MYLK: variants seen among roughly 807,000 people sequenced by gnomAD.
MYLK encodes myosin light chain kinase.
In MYLK, 106 loss-of-function variants were observed where a neutral mutation model predicts 203.4. The observed-to-expected ratio is 0.52, with a 90% CI of 0.45 to 0.61. MYLK has a LOEUF of 0.61. MYLK is among the 20% of genes least tolerant of loss of function. MYLK has a pLI of 0.00. For missense variants in MYLK, 2,072 were observed against 2,442.3 expected (o/e 0.85, Z 3.20); for synonymous variants, 867 against 959.5 (o/e 0.90, Z 1.78).
chr3:123,629,729 C>A lies in MYLK; in HGVS notation c.4962-103G>T, dbSNP rs1173065286. On this transcript the variant is annotated intron_variant, in intron 29 of 33. Transcript: ENST00000360304. This position sits in a 1 kb window ranked among gnomAD's most constrained non-coding sequence, Gnocchi z 4.4. ...GGCGAGGGTCGGCCAGCCTCCCCACCCCCAAACTCATGCTCTGTGGGCCTT... is the reference window on the plus strand; with the variant it reads ...GGCGAGGGTCGGCCAGCCTCCCCACACCCAAACTCATGCTCTGTGGGCCTT... The A allele has an allele frequency of 6.4e-6, 8 of 1,250,978 alleles. No homozygotes were observed. The highest frequency in any genetic ancestry group is 1.8e-5 in the Admixed American group (1 of 56,282). 77.5% of individuals were successfully genotyped at this position (1,250,978 alleles called of 1,614,324 possible).
chr3:123,825,579 T>C (rs1013334682), intron 3 of MYLK, among the ~76,000 whole-genome samples: 2 of 152,198 alleles, frequency 1.3e-5, no homozygotes, highest in African/African-American at 4.8e-5. Flanking sequence ...AAGTATGCAC[T>C]TCCCATCTCT....
intron 23 of MYLK, among the ~76,000 whole-genome samples, chr3:123,657,688 G>T (rs2059434024): frequency 6.6e-6 from 1 of 152,214 alleles, no homozygotes; most frequent in Non-Finnish European, 1.5e-5. Context: ...CTACATGCAA[G>T]TCACGATTTC....
chr3:123,640,633 C>T lies in MYLK; in HGVS notation c.4620-129G>A. 1 of 930,630 alleles carries T rather than the reference C, an allele frequency of 1.1e-6. No homozygotes were observed. The highest frequency in any genetic ancestry group is 1.7e-6 in the Non-Finnish European group (1 of 588,082). 57.6% of individuals were successfully genotyped at this position (930,630 alleles called of 1,614,324 possible). ...AAGCCCAGGGAATGGGGGTGATGGG[C>T]AATTCCTGAATCCCCACCCTCCGAC... On this transcript the variant is annotated intron_variant, in intron 27 of 33. Coordinates refer to ENST00000360304, the MANE Select transcript of MYLK (RefSeq NM_053025.4). This position sits in a 1 kb window ranked among gnomAD's most constrained non-coding sequence, Gnocchi z 4.3.
At chr3:123,806,632 C>T (rs2109199641) in intron 3 of MYLK, among the ~76,000 whole-genome samples, 1 of 152,172 alleles carries the variant, frequency 6.6e-6, no homozygotes, top group South Asian at 2.1e-4. Flanking sequence ...TATCCCATTT[C>T]AACTTCACAA....
chr3:123,664,217 A>G lies in MYLK; in HGVS notation c.3873T>C (p.Asn1291=), dbSNP rs372912164. ...CGGCCAGGATGGTGAGCTTGCTGCC[A>G]TTCTCGCTGTTCTCCACCTTCATGT... ...SEHMKVENSE[N]GSKLTILAAR... is the part of the protein sequence containing the mutation. Residue 1291 remains asparagine (N), a synonymous_variant, in exon 23 of 34, where the codon AAT becomes AAC. Transcript: ENST00000360304. 3.1e-6 allele frequency: 5 copies of G among 1,613,942 alleles called. No homozygotes were observed. In the African/African-American group the frequency reaches 6.7e-5, roughly 22 times the overall value.
intron 3 of MYLK, among the ~76,000 whole-genome samples, chr3:123,821,519 G>C (rs1285867411): frequency 6.6e-6 from 1 of 152,160 alleles, no homozygotes; most frequent in African/African-American, 2.4e-5. Flanking sequence ...AACTCCAGGG[G>C]ATGAACCCTT....
intron 3 of MYLK, among the ~76,000 whole-genome samples, chr3:123,816,824 A>T (rs1398479455): frequency 6.6e-6 from 1 of 152,210 alleles, no homozygotes; most frequent in Admixed American, 6.5e-5. Flanking sequence ...TTCCTGAAGT[A>T]TGGACATTCC....
rs2108786856 is a variant in MYLK, at chr3:123,733,024, A to G, written c.1388T>C (p.Val463Ala). The change falls in exon 11 of 34, where the codon GTT becomes GCT. Residue 463 changes from valine (V) to alanine (A), a missense_variant. This residue lies in a region of MYLK where 683 missense variants were observed against 643.8 expected (regional missense o/e 1.06). Transcript: ENST00000360304. ...PVRRQEGSIE[V>A]YEDAGSHYLC... ...GTAATGGGAGCCAGCATCTTCATAAACCTCAATGCTGCCTTCCTGTCTCCT... is the reference window on the plus strand; with the variant it reads ...GTAATGGGAGCCAGCATCTTCATAAGCCTCAATGCTGCCTTCCTGTCTCCT... The G allele has an allele frequency of 6.2e-7, 1 of 1,613,866 alleles. No individual in the cohort carries two copies. Among genetic ancestry groups the G allele is most frequent in the East Asian group, 2.2e-5 (1 of 44,860 alleles).
intron 2 of MYLK, among the ~76,000 whole-genome samples, chr3:123,863,968 T>C (rs141849125): frequency 1.3e-5 from 2 of 152,154 alleles, no homozygotes; most frequent in East Asian, 3.9e-4. Context: ...AAACTGGAAA[T>C]GGGATAAGTA....
At chr3:123,707,652 C>T (rs759729824) in intron 16 of MYLK, 102 bp downstream of exon 16, 7 of 1,585,182 alleles carry the variant, frequency 4.4e-6, no homozygotes, top group Non-Finnish European at 6.1e-6. Flanking sequence ...AGTCCAAGCC[C>T]CACATCAGTT....
intron 12 of MYLK, among the ~76,000 whole-genome samples, chr3:123,722,544 G>A (rs945436899): frequency 6.6e-6 from 1 of 152,154 alleles, no homozygotes; most frequent in African/African-American, 2.4e-5. Flanking sequence ...AGGGATGGGG[G>A]AGGGAGAATC....
At chr3:123,696,502 C>T (rs1392315869) in intron 18 of MYLK, among the ~76,000 whole-genome samples, 1 of 152,082 alleles carries the variant, frequency 6.6e-6, no homozygotes, top group Non-Finnish European at 1.5e-5. Flanking sequence ...AAGCCTCCTC[C>T]AACCACCGGC....
rs200513485 is a variant in MYLK, at chr3:123,814,783, C to CCTTT, written c.-4+16761_-4+16764dup. 4.6e-3 allele frequency among the ~76,000 whole-genome samples: 705 copies of CCTTT among 151,844 alleles called. 6 individuals carry two copies. Among genetic ancestry groups the CCTTT allele is most frequent in the African/African-American group, 0.015 (621 of 41,404 alleles). ...AACAGTTTCATGGACATAAACTGATCCTTTCTTTCTTTCTTTCTTTCTTTT... is the reference window on the plus strand; with the variant it reads ...AACAGTTTCATGGACATAAACTGATCCTTTCTTTCTTTCTTTCTTTCTTTCTTTT... On this transcript the variant is annotated intron_variant, in intron 3 of 33. Transcript: ENST00000360304.
At chr3:123,657,511 G>A (rs899726793) in intron 23 of MYLK, 83 bp from the exon 24 acceptor site, 12 of 1,429,722 alleles carry the variant, frequency 8.4e-6, no homozygotes, top group Non-Finnish European at 1.1e-5. Context: ...TGTCATGGGG[G>A]GAAGGCAGCC....
At chr3:123,837,089 G>A (rs2066491007) in intron 2 of MYLK, among the ~76,000 whole-genome samples, 1 of 151,980 alleles carries the variant, frequency 6.6e-6, no homozygotes, top group Non-Finnish European at 1.5e-5. Flanking sequence ...GCCCAGGCTG[G>A]AGTGCAATGG....
At position 123,613,703 on chromosome 3, in the gene MYLK, C is replaced by T. The variant is rs1221131225; in HGVS notation, c.*402G>A. ...AGGGGGTGGGGAGAGAGAGGCCTCC[C>T]ATCCCCAGGAACCCTCTGGGCTGAG... On this transcript the variant is annotated 3_prime_UTR_variant, in exon 34 of 34. Coordinates refer to ENST00000360304, the MANE Select transcript of MYLK (RefSeq NM_053025.4). The T allele has an allele frequency of 4.3e-6, 1 of 233,842 alleles. No individual in the cohort carries two copies. The highest frequency in any genetic ancestry group is 1.2e-4 in the East Asian group (1 of 8,402). The allele number at this position is 233,842 out of a possible 1,614,324, so 14.5% of individuals were successfully genotyped here.
chr3:123,689,196 A>G (rs1292275037), intron 19 of MYLK, among the ~76,000 whole-genome samples: 6 of 152,108 alleles, frequency 3.9e-5, no homozygotes, highest in Non-Finnish European at 7.4e-5. Flanking sequence ...GTGGCTGGGG[A>G]CAGGAGGCCT....
intron 2 of MYLK, among the ~76,000 whole-genome samples, chr3:123,858,563 A>G (rs2031615073): frequency 6.6e-6 from 1 of 152,194 alleles, no homozygotes; most frequent in South Asian, 2.1e-4. Flanking sequence ...TATGCTGACC[A>G]TGCTAGCTCA....
chr3:123,822,692 C>T (rs2065978528), intron 3 of MYLK, among the ~76,000 whole-genome samples: 2 of 152,172 alleles, frequency 1.3e-5, no homozygotes, highest in African/African-American at 4.8e-5. Context: ...TGCATCTGTC[C>T]TACTTCTTCC....
Sources: gnomAD v4.1 joint callset for allele counts (sites outside exome capture counted in the v4.1 genomes callset) on GRCh38, gnomAD v4.1.1 for gene constraint, gnomAD v4.1.1 regional missense constraint, Gnocchi (gnomAD v3.1) non-coding constraint, MANE v1.5 for transcripts, NCBI Gene and HGNC (gene_info 2026-07-23, HGNC 2026-07-21) for gene names.